The following MOSPD2 variants were observed in gnomAD, a reference collection of about 807,000 sequenced individuals.
MOSPD2 encodes motile sperm domain-containing protein 2.
In MOSPD2, 5 loss-of-function variants were observed where a neutral mutation model predicts 41.7. The observed-to-expected ratio is 0.12, with a 90% CI of 0.06 to 0.25. The LOEUF (loss-of-function observed/expected upper bound fraction) is 0.25, where lower values mean the gene tolerates loss of function less well. Ranked by LOEUF, MOSPD2 falls within the 10% of genes least tolerant of loss-of-function variation. The pLI is 1.00. For synonymous variants in MOSPD2, 115 were observed against 126.9 expected, an observed-to-expected ratio of 0.91 and a Z score of 0.63; for missense variants, 282 against 375.2, an observed-to-expected ratio of 0.75 and a Z score of 2.05.
chrX:14,877,977 C>CAA (rs1182798930), intron 2 of MOSPD2, among the ~76,000 whole-genome samples: 2 of 88,838 alleles, frequency 2.3e-5, no homozygotes. Context: ...GACTCCATCT[C>CAA]AAAAAAAAAA....
At chrX:14,905,179 A>G (rs1304265446) in intron 7 of MOSPD2, among the ~76,000 whole-genome samples, 1 of 111,915 alleles carries the variant, frequency 8.9e-6, no homozygotes, top group Non-Finnish European at 1.9e-5. Context: ...GAAAGAATGG[A>G]TGCTTCCCCC....
Position 14,918,702 on chromosome X carries a change from A to C in MOSPD2, c.1339A>C (p.Ser447Arg). 1 of 1,198,140 alleles carries C rather than the reference A, an allele frequency of 8.3e-7. No individual in the cohort carries two copies. The highest frequency in any genetic ancestry group is 1.1e-6 in the Non-Finnish European group (1 of 884,388). The change falls in exon 14 of 15, where the codon AGC (serine) becomes CGC (arginine). Residue 447 changes from serine to arginine, a missense_variant. By Grantham distance (110) the Ser-to-Arg change is moderately radical (BLOSUM62 -1). This residue lies in a region of MOSPD2 where 94 missense variants were observed against 102.1 expected (regional missense o/e 0.92). Transcript: ENST00000380492. Reference protein sequence around the residue: ...EHRLRCHTVESSKPNTLTLKD... With the variant: ...EHRLRCHTVERSKPNTLTLKD... ...TAGGTTAAGATGCCATACTGTTGAA[A>C]GCAGTAAACCAAACACTCTTACGTT...
At position 14,921,504 on chromosome X, in the gene MOSPD2, C is replaced by T; in HGVS notation, c.*1695C>T. The T allele has an allele frequency of 7.5e-6, 5 of 663,110 alleles. No homozygotes were observed. The highest frequency in any genetic ancestry group is 6.0e-5 in the Admixed American group (1 of 16,740). The allele number at this position is 663,110 out of a possible 1,213,427, so 54.6% of individuals were successfully genotyped here. ...ATTTTTGGCCTTAATATAATCTAAT[C>T]CCAAAGTAGTTGTGTATGTTTTCTG... is the stretch of plus-strand genomic sequence containing the variant. On this transcript the variant is annotated 3_prime_UTR_variant, in exon 15 of 15. Transcript: ENST00000380492.
rs192127589 is a variant in MOSPD2 at position 14,912,368 on chromosome X, G to A, written c.992+7G>A. 5.8e-5 allele frequency: 60 copies of A among 1,040,106 alleles called. No homozygotes were observed. The highest frequency in any genetic ancestry group is 7.8e-5 in the South Asian group (3 of 38,411). The allele number at this position is 1,040,106 out of a possible 1,213,427, so 85.7% of individuals were successfully genotyped here. A position where few individuals can be genotyped will look rare whatever the true frequency, so the allele number is the denominator to read the frequency against. ...GCCCCTTACTACACATCAGGTAATC[G>A]TCAAAGATTTTATTAGCTATAATTT... is the stretch of plus-strand genomic sequence containing the variant. On this transcript the variant is annotated splice_region_variant and intron_variant, in intron 10 of 14. Transcript: ENST00000380492.
At position 14,873,751 on chromosome X, in the gene MOSPD2, T is replaced by C; in HGVS notation, c.72T>C (p.Tyr24=). 1.7e-6 allele frequency: 2 copies of C among 1,202,154 alleles called. No individual in the cohort carries two copies. Among genetic ancestry groups the C allele is most frequent in the Non-Finnish European group, 2.3e-6 (2 of 886,676 alleles). Residue 24 remains tyrosine (Y), a synonymous_variant, in exon 2 of 15, where the codon TAT becomes TAC. Coordinates refer to ENST00000380492, the MANE Select transcript of MOSPD2 (RefSeq NM_152581.4). ...CCCGGAGGAGGTTCGAAGCTGAGTATGTGACAGGTGGGTACTCTGTTCCAG... is the reference window on the plus strand; with the variant it reads ...CCCGGAGGAGGTTCGAAGCTGAGTACGTGACAGGTGGGTACTCTGTTCCAG... ...SETRRRFEAE[Y]VTDKSDKYDA...
intron 13 of MOSPD2, 37 bp downstream of exon 13, chrX:14,916,363 G>A: frequency 8.3e-7 from 1 of 1,204,089 alleles, no homozygotes. Context: ...AAATGTAGTG[G>A]GAAGAATCAG....
Position 14,902,948 on chromosome X carries a change from T to C in MOSPD2, c.539-18T>C, listed in dbSNP as rs201978201. ...GAGGTACTGATTCACATTCAATGAA[T>C]TTTTTTTCATCTTTCAGCAAAAATA... On this transcript the variant is annotated intron_variant, in intron 6 of 14. Transcript: ENST00000380492. The C allele has an allele frequency of 2.4e-4, 263 of 1,116,295 alleles. No individual in the cohort carries two copies. Among genetic ancestry groups the C allele is most frequent in the Non-Finnish European group, 3.2e-4 (260 of 812,316 alleles). 92.0% of individuals were successfully genotyped at this position (1,116,295 alleles called of 1,213,427 possible).
chrX:14,882,817 T>C (rs2092533988), intron 2 of MOSPD2, among the ~76,000 whole-genome samples: 1 of 110,372 alleles, frequency 9.1e-6, no homozygotes, highest in Admixed American at 9.6e-5. Flanking sequence ...CTTTTTTTTT[T>C]TTTTACTCAT....
intron 4 of MOSPD2, among the ~76,000 whole-genome samples, chrX:14,896,628 C>T (rs2092563628): frequency 8.9e-6 from 1 of 112,347 alleles, no homozygotes; most frequent in Admixed American, 9.5e-5. Context: ...CACCACTCAT[C>T]ACATTTCATC....
At chrX:14,887,972 G>A (rs1318519828) in intron 2 of MOSPD2, among the ~76,000 whole-genome samples, 1 of 110,854 alleles carries the variant, frequency 9.0e-6, no homozygotes, top group Admixed American at 9.6e-5. Flanking sequence ...ATTCATATTA[G>A]AACAAATAAA....
chrX:14,899,607 A>ACACACACACACAC (rs1569103818), intron 5 of MOSPD2, among the ~76,000 whole-genome samples: 1 of 62,093 alleles, frequency 1.6e-5, no homozygotes, highest in East Asian at 3.3e-4. Flanking sequence ...CACACACACA[A>ACACACACACACAC]AGGTATTATT....
intron 13 of MOSPD2, among the ~76,000 whole-genome samples, chrX:14,918,051 G>T (rs1166695315): frequency 9.0e-6 from 1 of 111,627 alleles, no homozygotes; most frequent in Non-Finnish European, 1.9e-5. Flanking sequence ...TTACAGGAGG[G>T]CCTACTTTCT....
intron 2 of MOSPD2, among the ~76,000 whole-genome samples, chrX:14,892,039 CAAAT>C (rs2092554903): frequency 9.0e-6 from 1 of 111,678 alleles, no homozygotes; most frequent in South Asian, 3.7e-4. Flanking sequence ...AGGGCTATAC[CAAAT>C]ACTTTACTCT....
chrX:14,875,455 G>A (rs781768679), intron 2 of MOSPD2, among the ~76,000 whole-genome samples: 1 of 112,090 alleles, frequency 8.9e-6, no homozygotes, highest in Admixed American at 9.4e-5. Context: ...TTCAAAGTAA[G>A]ATACGTGTTA....
At chrX:14,906,072 A>G (rs1057077724) in intron 7 of MOSPD2, among the ~76,000 whole-genome samples, 9 of 111,506 alleles carry the variant, frequency 8.1e-5, no homozygotes, top group African/African-American at 2.3e-4. Flanking sequence ...TTTTTTGCAG[A>G]AATGGATATG....
At chrX:14,895,679 CTG>C (rs886806501) in intron 4 of MOSPD2, among the ~76,000 whole-genome samples, 5 of 112,184 alleles carry the variant, frequency 4.5e-5, no homozygotes, top group Non-Finnish European at 9.4e-5. Context: ...TCTAATCTGA[CTG>C]TGATATTAAA....
chrX:14,908,399 A>C (rs1166265532), intron 7 of MOSPD2, among the ~76,000 whole-genome samples: 1 of 112,223 alleles, frequency 8.9e-6, no homozygotes, highest in Non-Finnish European at 1.9e-5. Context: ...GCTCACACTC[A>C]TAATAAGAAG....
At chrX:14,907,964 T>G (rs191231910) in intron 7 of MOSPD2, among the ~76,000 whole-genome samples, 1 of 112,246 alleles carries the variant, frequency 8.9e-6, no homozygotes, top group Non-Finnish European at 1.9e-5. Context: ...TTAAATGTTA[T>G]GTAAAAAACT....
At chrX:14,902,378 A>G (rs2092574670) in intron 6 of MOSPD2, among the ~76,000 whole-genome samples, 1 of 111,580 alleles carries the variant, frequency 9.0e-6, no homozygotes, top group South Asian at 3.7e-4. Context: ...AGTATCTTCA[A>G]CTCAGTGTGT....
Sources: gnomAD v4.1 joint callset for allele counts (sites outside exome capture counted in the v4.1 genomes callset) on GRCh38, gnomAD v4.1.1 for gene constraint, gnomAD v4.1.1 regional missense constraint, MANE v1.5 for transcripts, NCBI Gene and HGNC (gene_info 2026-07-23, HGNC 2026-07-21) for gene names.